Variants in STARD8 observed in about 807,000 individuals in gnomAD.
STARD8 encodes StAR related lipid transfer domain containing 8.
Under a neutral mutation model 69.4 loss-of-function variants are expected in STARD8, and 25 were observed. That is an observed-to-expected ratio of 0.36 (90% confidence interval 0.26 to 0.50). The LOEUF is 0.50. STARD8 is among the 20% of genes least tolerant of loss of function. The pLI is 0.96. For synonymous variants in STARD8, 389 were observed against 374.6 expected (o/e 1.04, Z -0.45); for missense variants, 921 against 932.5 (o/e 0.99, Z 0.16).
intron 2 of STARD8, among the ~76,000 whole-genome samples, chrX:68,698,813 G>A (rs375139969): frequency 9.0e-6 from 1 of 111,257 alleles, no homozygotes; most frequent in East Asian, 2.8e-4. Flanking sequence ...CTATAAAGTG[G>A]GTAGGGCAGT....
chrX:68,717,296 G>A lies in STARD8; in HGVS notation c.382G>A (p.Gly128Arg). 1 of 1,205,960 alleles carries A rather than the reference G, an allele frequency of 8.3e-7. No homozygotes were observed. The highest frequency in any genetic ancestry group is 1.1e-6 in the Non-Finnish European group (1 of 892,753). Residue 128 changes from glycine (G) to arginine (R), a missense_variant, in exon 6 of 15, where the codon GGG becomes AGG. Gly to Arg is a moderately radical substitution (Grantham distance 125). Transcript: ENST00000374599. ...QQESKCWSPM[G>R]SSDLLAPPSP... Reference sequence around the variant, plus strand: ...GGAAAGTAAGTGCTGGTCTCCTATGGGGTCCTCTGATCTGTTGGCCCCACC... The same window carrying A: ...GGAAAGTAAGTGCTGGTCTCCTATGAGGTCCTCTGATCTGTTGGCCCCACC...
At chrX:68,668,927 TTAAATA>T (rs2079711001) in intron 2 of STARD8, among the ~76,000 whole-genome samples, 1 of 111,886 alleles carries the variant, frequency 8.9e-6, no homozygotes, top group South Asian at 3.7e-4. Context: ...ATGTAGTAAA[TTAAATA>T]TATATCATGA....
chrX:68,724,245 C>T (rs2080179624), intron 14 of STARD8, 60 bp from the exon 15 acceptor site: 1 of 1,183,212 alleles, frequency 8.5e-7, no homozygotes, highest in Non-Finnish European at 1.1e-6. Flanking sequence ...CTTCCTTCTC[C>T]CTGGTGAGGG....
intron 2 of STARD8, chrX:68,693,701 A>C: frequency 1.6e-5 from 12 of 754,640 alleles, no homozygotes; most frequent in Non-Finnish European, 1.7e-5. Context: ...TCTGGCTGGC[A>C]CCGTCACCCC....
intron 12 of STARD8, 73 bp from the exon 13 acceptor site, chrX:68,723,553 C>A: frequency 1.1e-6 from 1 of 942,430 alleles, no homozygotes; most frequent in Non-Finnish European, 1.4e-6. Context: ...CAGTTTGAGG[C>A]CTGGACTTAG....
intron 1 of STARD8, among the ~76,000 whole-genome samples, chrX:68,653,130 CACCA>C (rs2147868715): frequency 1.2e-5 from 1 of 83,749 alleles, no homozygotes; most frequent in Non-Finnish European, 2.4e-5. Context: ...ACCACACACA[CACCA>C]CACACCACAC....
rs113844182 is a variant in STARD8 at position 68,715,301 on chromosome X, G to A, written c.159G>A (p.Ser53=). The A allele has an allele frequency of 2.9e-3, 3,509 of 1,205,246 alleles. 19 individuals carry two copies. Among genetic ancestry groups the A allele is most frequent in the African/African-American group, 0.019 (1,102 of 57,095 alleles). ...PQYVQLFEEG[S]FPLDIGSVKK... ...CTTCTCTCTGCCATACAGAAGGTTC[G>A]TTTCCCCTGGATATTGGCTCTGTGA... is the stretch of plus-strand genomic sequence containing the variant. The change falls in exon 4 of 15, where the codon TCG becomes TCA. Residue 53 remains serine (S), a synonymous_variant. Transcript: ENST00000374599.
At chrX:68,710,624 AG>A (rs1569368320) in intron 2 of STARD8, among the ~76,000 whole-genome samples, 1 of 112,152 alleles carries the variant, frequency 8.9e-6, no homozygotes, top group Non-Finnish European at 1.9e-5. Context: ...GCCTAGCATC[AG>A]GGGAGGGAGG....
chrX:68,696,730 TA>T (rs1470775449), intron 2 of STARD8, among the ~76,000 whole-genome samples: 28 of 111,679 alleles, frequency 2.5e-4, no homozygotes, highest in African/African-American at 9.1e-4. Flanking sequence ...AAGTGCTTTG[TA>T]AACTACCATG....
At chrX:68,706,740 G>A (rs1297570930) in intron 2 of STARD8, among the ~76,000 whole-genome samples, 1 of 113,155 alleles carries the variant, frequency 8.8e-6, no homozygotes, top group Non-Finnish European at 1.9e-5. Flanking sequence ...GAGGGTAAAA[G>A]AAGCTGCTCA....
chrX:68,700,258 C>G (rs1033295124), intron 2 of STARD8, among the ~76,000 whole-genome samples: 2 of 112,205 alleles, frequency 1.8e-5, no homozygotes, highest in African/African-American at 6.5e-5. Flanking sequence ...TTCCATGATT[C>G]CATTGTGTTC....
chrX:68,664,074 T>C (rs1423015611), intron 1 of STARD8, among the ~76,000 whole-genome samples: 4 of 111,773 alleles, frequency 3.6e-5, no homozygotes, highest in African/African-American at 1.3e-4. Flanking sequence ...GGTATGGCAG[T>C]CATTGTGCAG....
intron 2 of STARD8, among the ~76,000 whole-genome samples, chrX:68,694,258 GA>G (rs1399835326): frequency 2.7e-5 from 3 of 112,678 alleles, no homozygotes; most frequent in Non-Finnish European, 5.6e-5. Flanking sequence ...GCATTTCCAG[GA>G]AGCCCCCGTC....
chrX:68,689,203 C>T (rs866861106), intron 2 of STARD8, among the ~76,000 whole-genome samples: 4 of 105,484 alleles, frequency 3.8e-5, no homozygotes, highest in Admixed American at 3.1e-4. Flanking sequence ...ACATCCTGCT[C>T]TGGGCGTCTG....
rs1240214377 is a variant in STARD8 at position 68,720,309 on chromosome X, G to A, written c.1935G>A (p.Arg645=). 5 of 1,207,301 alleles carry A rather than the reference G, an allele frequency of 4.1e-6. No individual in the cohort carries two copies. In the South Asian group the frequency reaches 7.1e-5, roughly 17 times the overall value. The part of the protein sequence containing the change: ...FMRRNKTPDY[R]GQHVFGVPPL... The stretch of plus-strand genomic sequence containing the variant: ...GGAGGAACAAGACCCCAGATTACCG[G>A]GGACAGCACGTATTTGGGGTGCCAC... Residue 645 remains arginine (R), a synonymous_variant, in exon 8 of 15, where the codon CGG becomes CGA. Transcript: ENST00000374599.
At chrX:68,652,963 CA>C in intron 1 of STARD8, among the ~76,000 whole-genome samples, 1 of 66,723 alleles carries the variant, frequency 1.5e-5, no homozygotes, top group Non-Finnish European at 2.8e-5. Context: ...CACACACACA[CA>C]CCACACACCA....
chrX:68,647,877 G>T lies in STARD8; in HGVS notation c.-6G>T. The T allele has an allele frequency of 8.3e-7, 1 of 1,197,928 alleles. No individual in the cohort carries two copies. Among genetic ancestry groups the T allele is most frequent in the South Asian group, 1.8e-5 (1 of 54,740 alleles). On this transcript the variant is annotated 5_prime_UTR_variant, in exon 1 of 15. Coordinates refer to ENST00000374599, the MANE Select transcript of STARD8 (RefSeq NM_001142503.3). ...CGCCGGCCCTAGAAGCTCCCCACGCGCCACCATGCCTCTGCTGGACGTTTT... is the reference window on the plus strand; with the variant it reads ...CGCCGGCCCTAGAAGCTCCCCACGCTCCACCATGCCTCTGCTGGACGTTTT...
chrX:68,714,571 G>A (rs967941504), intron 3 of STARD8, among the ~76,000 whole-genome samples: 4 of 112,247 alleles, frequency 3.6e-5, no homozygotes, highest in African/African-American at 1.3e-4. Context: ...CACCATCTTG[G>A]TTTTAAGTAC....
rs185073375 is a variant in STARD8, at chrX:68,690,407, G to A, written c.80-22507G>A. Among the ~76,000 whole-genome samples the A allele has an allele frequency of 1.0e-4, 11 of 106,891 alleles. No individual in the cohort carries two copies. The East Asian group carries it at 1.2e-3, about 11-fold the overall frequency. The allele number at this position is 106,891 out of a possible 115,157, so 92.8% of individuals were successfully genotyped here. A position where few individuals can be genotyped will look rare whatever the true frequency, so the allele number is the denominator to read the frequency against. On this transcript the variant is annotated intron_variant, in intron 2 of 14. Coordinates refer to ENST00000374599, the MANE Select transcript of STARD8 (RefSeq NM_001142503.3). ...GGCATGGGTCTGCCAGCAGCAGCTC[G>A]AGCAACTCCCATTCCCAGGCAGGCA...
Sources: gnomAD v4.1 joint callset for allele counts (sites outside exome capture counted in the v4.1 genomes callset) on GRCh38, gnomAD v4.1.1 for gene constraint, MANE v1.5 for transcripts, NCBI Gene and HGNC (gene_info 2026-07-23, HGNC 2026-07-21) for gene names.